CASS4: variants seen among roughly 807,000 people sequenced by gnomAD.
CASS4 encodes cas scaffolding protein family member 4.
CASS4 carries 22 observed loss-of-function variants against 54.2 expected under a neutral mutation model. That is an observed-to-expected ratio of 0.41 (90% CI 0.29 to 0.58). The LOEUF (loss-of-function observed/expected upper bound fraction) is 0.58, where lower values mean the gene tolerates loss of function less well. CASS4 is among the 20% of genes least tolerant of loss of function. CASS4 has a pLI of 0.36. For synonymous variants in CASS4, 409 were observed against 391.5 expected, an observed-to-expected ratio of 1.04 and a Z score of -0.53; for missense variants, 854 against 986.7, an observed-to-expected ratio of 0.87 and a Z score of 1.80.
At chr20:56,421,137 G>A (rs989830648) in intron 1 of CASS4, among the ~76,000 whole-genome samples, 2 of 152,146 alleles carry the variant, frequency 1.3e-5, no homozygotes, top group Non-Finnish European at 2.9e-5. Flanking sequence ...ATTCTTCCGG[G>A]TCAATCAAAT....
At chr20:56,415,237 G>A (rs760669381) in intron 1 of CASS4, among the ~76,000 whole-genome samples, 1 of 152,150 alleles carries the variant, frequency 6.6e-6, no homozygotes, top group Non-Finnish European at 1.5e-5. Flanking sequence ...CAGTCCTTAA[G>A]ATATGTACAG....
chr20:56,427,186 A>C (rs902543632), intron 1 of CASS4, among the ~76,000 whole-genome samples: 4 of 151,758 alleles, frequency 2.6e-5, no homozygotes, highest in African/African-American at 4.8e-5. Flanking sequence ...AAAAAAAAAA[A>C]AAAAAACCCT....
intron 1 of CASS4, among the ~76,000 whole-genome samples, chr20:56,419,373 G>A (rs1157125172): frequency 6.6e-6 from 1 of 152,194 alleles, no homozygotes; most frequent in African/African-American, 2.4e-5. Flanking sequence ...TCGACACTGA[G>A]AAGACTGAGA....
intron 1 of CASS4, among the ~76,000 whole-genome samples, chr20:56,415,260 T>C (rs1190278441): frequency 6.6e-6 from 1 of 152,196 alleles, no homozygotes; most frequent in Non-Finnish European, 1.5e-5. Context: ...ATTCTTCACT[T>C]ATGGGTCATC....
At position 56,452,931 on chromosome 20, in the gene CASS4, G is replaced by T. The variant is rs770573097; in HGVS notation, c.1755G>T (p.Arg585Ser). 1.2e-6 allele frequency: 2 copies of T among 1,614,060 alleles called. No individual in the cohort carries two copies. The highest frequency in any genetic ancestry group is 2.2e-5 in the East Asian group (1 of 44,874). ...RFASIVIANG[R>S]LLFKRNCEKE... ...CCTCCATTGTCATTGCCAATGGAAGGCTCCTTTTTAAGCGGAACTGTGAAA... is the reference window on the plus strand; with the variant it reads ...CCTCCATTGTCATTGCCAATGGAAGTCTCCTTTTTAAGCGGAACTGTGAAA... Residue 585 changes from arginine (R) to serine (S), a missense_variant, in exon 5 of 6, where the codon AGG becomes AGT. Transcript: ENST00000679887.
intron 1 of CASS4, among the ~76,000 whole-genome samples, chr20:56,422,679 G>A (rs1364992574): frequency 6.6e-6 from 1 of 152,154 alleles, no homozygotes. Context: ...TTCCTTTAAT[G>A]TGTGGCTTTT....
intron 3 of CASS4, among the ~76,000 whole-genome samples, chr20:56,448,579 C>T (rs1027187688): frequency 8.5e-5 from 13 of 152,112 alleles, no homozygotes; most frequent in Admixed American, 3.3e-4. Flanking sequence ...CCCGCTACAC[C>T]GCACCCCATT....
At chr20:56,415,068 G>A (rs55708816) in intron 1 of CASS4, among the ~76,000 whole-genome samples, 26,899 of 152,076 alleles carry the variant, frequency 0.18, 3,699 homozygotes, top group African/African-American at 0.38. Context: ...GCAATGCCAG[G>A]AATCAACCCC....
At chr20:56,453,277 A>T (rs1195650157) in intron 5 of CASS4, 148 bp downstream of exon 5, 4 of 627,502 alleles carry the variant, frequency 6.4e-6, no homozygotes, top group Non-Finnish European at 1.1e-5. Context: ...TATGAAAGTA[A>T]AATTCTTGAT....
intron 1 of CASS4, among the ~76,000 whole-genome samples, chr20:56,423,829 G>A (rs1979518468): frequency 6.6e-6 from 1 of 152,324 alleles, no homozygotes; most frequent in South Asian, 2.1e-4. Context: ...ACAGACATGA[G>A]CCACTGCGCC....
Position 56,459,677 on chromosome 20 carries a change from C to G in CASS4, c.*930C>G. On this transcript the variant is annotated 3_prime_UTR_variant, in exon 6 of 6. Coordinates refer to ENST00000679887, the MANE Select transcript of CASS4 (RefSeq NM_020356.4). ...TAGAGTCGGGGTTTCACCATATTAG[C>G]CAGGCTGGTCTGGAACTCCTGACCT... is the stretch of plus-strand genomic sequence containing the variant. 6.4e-6 allele frequency: 1 copy of G among 155,306 alleles called. No individual in the cohort carries two copies. 9.6% of individuals were successfully genotyped at this position (155,306 alleles called of 1,614,324 possible). A position where few individuals can be genotyped will look rare whatever the true frequency, so the allele number is the denominator to read the frequency against.
At chr20:56,453,440 A>G (rs1377073615) in intron 5 of CASS4, 1 of 214,848 alleles carries the variant, frequency 4.7e-6, no homozygotes, top group African/African-American at 2.3e-5. Context: ...ATTTGAGTAG[A>G]TTTTTAAAAC....
At chr20:56,448,439 C>T (rs1346513408) in intron 3 of CASS4, among the ~76,000 whole-genome samples, 1 of 152,198 alleles carries the variant, frequency 6.6e-6, no homozygotes, top group Non-Finnish European at 1.5e-5. Context: ...CACCCTCTCT[C>T]TTTTCAACTT....
At chr20:56,425,790 G>C (rs576924301) in intron 1 of CASS4, among the ~76,000 whole-genome samples, 2 of 152,280 alleles carry the variant, frequency 1.3e-5, no homozygotes, top group African/African-American at 4.8e-5. Flanking sequence ...TGGACTCAAA[G>C]TGTTTTTATC....
chr20:56,437,681 A>G lies in CASS4; in HGVS notation c.459+95A>G, dbSNP rs1365251652. The G allele has an allele frequency of 3.5e-6, 4 of 1,158,812 alleles. No individual in the cohort carries two copies. The highest frequency in any genetic ancestry group is 2.7e-5 in the Admixed American group (1 of 36,988). 71.8% of individuals were successfully genotyped at this position (1,158,812 alleles called of 1,614,324 possible). A position where few individuals can be genotyped will look rare whatever the true frequency, so the allele number is the denominator to read the frequency against. On this transcript the variant is annotated intron_variant, in intron 2 of 5. Transcript: ENST00000679887. The surrounding 1 kb of genome is among the most constrained non-coding windows in gnomAD (Gnocchi z 4.7). ...TGAGGCATGGGTGTCCTTCAGATCA[A>G]ACACGCAAAACGGGAGCCCAGATTG...
intron 1 of CASS4, among the ~76,000 whole-genome samples, chr20:56,433,805 G>A (rs1304122573): frequency 3.3e-5 from 5 of 152,154 alleles, no homozygotes; most frequent in Admixed American, 6.5e-5. Context: ...ATGGAGAAGA[G>A]AGGAAATCTC....
Position 56,459,507 on chromosome 20 carries a change from C to A in CASS4, c.*760C>A. The A allele has an allele frequency of 3.9e-6, 1 of 259,178 alleles. No homozygotes were observed. Among genetic ancestry groups the A allele is most frequent in the South Asian group, 5.4e-5 (1 of 18,496 alleles). 16.1% of individuals were successfully genotyped at this position (259,178 alleles called of 1,614,324 possible). On this transcript the variant is annotated 3_prime_UTR_variant, in exon 6 of 6. Coordinates refer to ENST00000679887, the MANE Select transcript of CASS4 (RefSeq NM_020356.4). ...TTTATTACCAGTTTTCATCTGAATC[C>A]ACTGGGGAGTGGGGCGATTTTGTTT...
intron 1 of CASS4, among the ~76,000 whole-genome samples, chr20:56,423,020 C>T (rs1270219822): frequency 6.6e-6 from 1 of 152,126 alleles, no homozygotes; most frequent in African/African-American, 2.4e-5. Context: ...GCCCATCCTT[C>T]CCCATGGCTG....
intron 1 of CASS4, among the ~76,000 whole-genome samples, chr20:56,415,139 G>A (rs1250940489): frequency 6.6e-6 from 1 of 152,122 alleles, no homozygotes; most frequent in Non-Finnish European, 1.5e-5. Flanking sequence ...TGTACCAGGG[G>A]TTGGCAAACT....
Sources: gnomAD v4.1 joint callset for allele counts (sites outside exome capture counted in the v4.1 genomes callset) on GRCh38, gnomAD v4.1.1 for gene constraint, Gnocchi (gnomAD v3.1) non-coding constraint, MANE v1.5 for transcripts, NCBI Gene and HGNC (gene_info 2026-07-23, HGNC 2026-07-21) for gene names.